ENPEP: variants seen among roughly 807,000 people sequenced by gnomAD.
ENPEP encodes the protein AP-A.
Under a neutral mutation model 114.5 loss-of-function variants are expected in ENPEP, and 103 were observed. That is an observed-to-expected ratio of 0.90 (90% confidence interval 0.77 to 1.06). ENPEP has a LOEUF of 1.06. Ranked by LOEUF, ENPEP falls within the 50% of genes least tolerant of loss-of-function variation. The pLI, the probability that ENPEP is intolerant of heterozygous loss-of-function variation, is 0.00. For missense variants in ENPEP, 1,196 were observed against 1,161.3 expected, an observed-to-expected ratio of 1.03 and a Z score of -0.43; for synonymous variants, 420 against 422.0, an observed-to-expected ratio of 1.00 and a Z score of 0.06.
At chr4:110,551,153 A>T (rs1727274778) in intron 17 of ENPEP, among the ~76,000 whole-genome samples, 1 of 147,290 alleles carries the variant, frequency 6.8e-6, no homozygotes. Flanking sequence ...TCACTAATTC[A>T]TTACTTTGAT....
rs748975665 is a variant in ENPEP at position 110,520,342 on chromosome 4, C to T, written c.1703C>T (p.Pro568Leu). 3 of 1,613,990 alleles carry T rather than the reference C, an allele frequency of 1.9e-6. No homozygotes were observed. The highest frequency in any genetic ancestry group is 2.5e-6 in the Non-Finnish European group (3 of 1,179,948). Residue 568 changes from proline to leucine, a missense_variant, in exon 10 of 20, where the codon CCT becomes CTT. Coordinates refer to ENST00000265162, the MANE Select transcript of ENPEP (RefSeq NM_001977.4). ...KRFLLDPRAN[P>L]SQPPSDLGYT... The stretch of plus-strand genomic sequence containing the variant: ...TTTTTGTTGGACCCAAGAGCTAACC[C>T]TTCTCAGCCCCCTTCAGATCTTGGG...
At chr4:110,506,498 A>T in intron 3 of ENPEP, 139 bp from the exon 4 acceptor site, 1 of 803,384 alleles carries the variant, frequency 1.2e-6, no homozygotes, top group Non-Finnish European at 1.9e-6. Flanking sequence ...ACACGCTAGT[A>T]TGAGGCAGAA....
chr4:110,518,654 C>A (rs548179747), intron 8 of ENPEP, among the ~76,000 whole-genome samples: 27 of 152,262 alleles, frequency 1.8e-4, no homozygotes, highest in African/African-American at 6.3e-4. Context: ...GTGATGAAAA[C>A]CACACACACT....
At chr4:110,548,977 T>C (rs1727181094) in intron 14 of ENPEP, among the ~76,000 whole-genome samples, 1 of 152,094 alleles carries the variant, frequency 6.6e-6, no homozygotes, top group Admixed American at 6.6e-5. Flanking sequence ...AATATGAAAG[T>C]GCTTTGTAAA....
chr4:110,524,132 G>T (rs924241407), intron 10 of ENPEP, among the ~76,000 whole-genome samples: 2 of 151,874 alleles, frequency 1.3e-5, no homozygotes, highest in Non-Finnish European at 2.9e-5. Flanking sequence ...ATATATATAA[G>T]CTCAATCACC....
intron 11 of ENPEP, among the ~76,000 whole-genome samples, chr4:110,535,471 T>A (rs945578284): frequency 6.6e-6 from 1 of 152,238 alleles, no homozygotes; most frequent in Non-Finnish European, 1.5e-5. Flanking sequence ...CAAGCTTTGA[T>A]TGGATGATTA....
chr4:110,495,440 G>T (rs1393737613), intron 3 of ENPEP, among the ~76,000 whole-genome samples: 1 of 152,160 alleles, frequency 6.6e-6, no homozygotes, highest in Non-Finnish European at 1.5e-5. Flanking sequence ...GGCAATGGTG[G>T]CCGGGCGCGG....
intron 13 of ENPEP, among the ~76,000 whole-genome samples, chr4:110,547,837 C>T (rs959160916): frequency 6.6e-6 from 1 of 151,934 alleles, no homozygotes; most frequent in Non-Finnish European, 1.5e-5. Flanking sequence ...ACTTGGGAAC[C>T]TAAAATTTAA....
chr4:110,556,767 G>A (rs1727488335), intron 18 of ENPEP, among the ~76,000 whole-genome samples: 1 of 152,046 alleles, frequency 6.6e-6, no homozygotes, highest in South Asian at 2.1e-4. Context: ...AATGCTCAGT[G>A]TTGTTATTTT....
chr4:110,520,393 AAC>A (rs1491295950), intron 10 of ENPEP, 27 bp downstream of exon 10: 1 of 1,610,806 alleles, frequency 6.2e-7, no homozygotes, highest in African/African-American at 1.3e-5. Context: ...CATTGAAAAA[AAC>A]ACAGAAATTT....
intron 1 of ENPEP, among the ~76,000 whole-genome samples, chr4:110,478,471 C>A (rs1724195397): frequency 6.6e-6 from 1 of 152,154 alleles, no homozygotes; most frequent in Non-Finnish European, 1.5e-5. Context: ...GTAATCCCTG[C>A]TAGCATATTA....
intron 1 of ENPEP, 80 bp from the exon 2 acceptor site, chr4:110,488,461 T>C (rs1320549639): frequency 2.1e-6 from 3 of 1,416,440 alleles, no homozygotes; most frequent in Non-Finnish European, 2.8e-6. Flanking sequence ...AGCTGATTTT[T>C]TTTTCCCCTA....
intron 8 of ENPEP, among the ~76,000 whole-genome samples, chr4:110,517,894 C>T (rs536273586): frequency 2.0e-5 from 3 of 152,318 alleles, no homozygotes; most frequent in Admixed American, 1.3e-4. Flanking sequence ...GAACATAGTT[C>T]CATAGTTCAC....
At chr4:110,529,968 T>TG (rs940369903) in intron 10 of ENPEP, among the ~76,000 whole-genome samples, 2 of 151,790 alleles carry the variant, frequency 1.3e-5, no homozygotes, top group African/African-American at 4.8e-5. Flanking sequence ...CCCAGCTACT[T>TG]GGGAGGCTTA....
chr4:110,543,887 T>G (rs2110388269), intron 13 of ENPEP, among the ~76,000 whole-genome samples: 1 of 152,188 alleles, frequency 6.6e-6, no homozygotes, highest in African/African-American at 2.4e-5. Context: ...CATAATATTT[T>G]ATTGTTATTG....
chr4:110,490,109 G>A (rs1578392096), intron 2 of ENPEP, among the ~76,000 whole-genome samples: 2 of 152,262 alleles, frequency 1.3e-5, no homozygotes, highest in Middle Eastern at 3.4e-3. Context: ...TTCTGCTTAA[G>A]AACTTCCCTT....
chr4:110,478,943 G>A (rs955185553), intron 1 of ENPEP, among the ~76,000 whole-genome samples: 9 of 152,276 alleles, frequency 5.9e-5, no homozygotes, highest in African/African-American at 1.4e-4. Context: ...AAATAGAATT[G>A]CTGGGTCAAA....
chr4:110,480,380 C>T (rs991960652), intron 1 of ENPEP, among the ~76,000 whole-genome samples: 9 of 152,116 alleles, frequency 5.9e-5, no homozygotes, highest in Admixed American at 1.3e-4. Context: ...AGTTCTCATC[C>T]ACAGGCTCCA....
chr4:110,515,537 T>C (rs556616281), intron 8 of ENPEP, 95 bp downstream of exon 8: 2 of 1,065,418 alleles, frequency 1.9e-6, no homozygotes, highest in East Asian at 4.8e-5. Flanking sequence ...GATAATTTCC[T>C]TTTTAATCTC....
Sources: allele counts gnomAD v4.1 joint callset (sites outside exome capture counted in the v4.1 genomes callset), GRCh38; gene constraint gnomAD v4.1.1; transcripts MANE v1.5; gene names NCBI Gene and HGNC (gene_info 2026-07-23, HGNC 2026-07-21).